The following AKNA variants were observed in gnomAD, a reference collection of about 807,000 sequenced individuals.
The protein encoded by AKNA is AT-hook transcription factor.
In AKNA, 67 loss-of-function variants were observed where a neutral mutation model predicts 138.8. The ratio of observed to expected loss-of-function variants is 0.48; its 90% CI spans 0.40 to 0.59. The LOEUF (loss-of-function observed/expected upper bound fraction) is 0.59, where lower values mean the gene tolerates loss of function less well. Among genes scored for constraint, AKNA ranks in the 20% least tolerant of loss-of-function variants. The pLI is 0.00. For synonymous variants in AKNA, 737 were observed against 754.4 expected, an observed-to-expected ratio of 0.98 and a Z score of 0.38; for missense variants, 1,813 against 1,880.4, an observed-to-expected ratio of 0.96 and a Z score of 0.66.
At chr9:114,356,471 T>C (rs955395890) in intron 13 of AKNA, among the ~76,000 whole-genome samples, 1 of 152,186 alleles carries the variant, frequency 6.6e-6, no homozygotes, top group Non-Finnish European at 1.5e-5. Context: ...GGAGGCTCCA[T>C]CCCTCCACTC....
downstream of AKNA, among the ~76,000 whole-genome samples, chr9:114,332,615 T>C (rs1010213017): frequency 7.2e-5 from 11 of 152,016 alleles, no homozygotes; most frequent in African/African-American, 2.7e-4. Flanking sequence ...TCCTGCCCCA[T>C]CCCCAGCCCC....
At chr9:114,341,290 C>G (rs568917579) in intron 21 of AKNA, among the ~76,000 whole-genome samples, 4 of 152,284 alleles carry the variant, frequency 2.6e-5, no homozygotes, top group Non-Finnish European at 4.4e-5. Flanking sequence ...CTTGCTAGTC[C>G]CCTTCACTGC....
At chr9:114,331,009 A>T (rs1325254169), downstream of AKNA, 1 of 643,704 alleles carries the variant, frequency 1.6e-6, no homozygotes, top group Non-Finnish European at 2.7e-6. Flanking sequence ...GCTCAGAAAA[A>T]ATCCCTAAGA....
At chr9:114,386,790 C>A (rs536064714) in intron 1 of AKNA, among the ~76,000 whole-genome samples, 2 of 152,246 alleles carry the variant, frequency 1.3e-5, no homozygotes, top group East Asian at 3.9e-4. Context: ...TCCGCCCGCT[C>A]AGTCATTCCA....
rs919891707 is a variant in AKNA at position 114,347,638 on chromosome 9, A to G, written c.3398+86T>C. ...GAGGGATGTGGCAGTGCCTGAGTCC[A>G]TATGTCTGGGGAGAGCCAGAGGCCA... On this transcript the variant is annotated intron_variant, in intron 16 of 21. Transcript: ENST00000374088. 6 of 1,360,860 alleles carry G rather than the reference A, an allele frequency of 4.4e-6. No individual in the cohort carries two copies. The East Asian group carries it at 1.1e-4, about 24-fold the overall frequency. 84.3% of individuals were successfully genotyped at this position (1,360,860 alleles called of 1,614,324 possible).
upstream of AKNA, among the ~76,000 whole-genome samples, chr9:114,391,606 T>C (rs1834341076): frequency 6.6e-6 from 1 of 152,110 alleles, no homozygotes; most frequent in East Asian, 1.9e-4. Context: ...CCCAGCACTT[T>C]GGGAGGCTGA....
intron 14 of AKNA, among the ~76,000 whole-genome samples, chr9:114,355,577 C>T (rs879433292): frequency 6.6e-6 from 1 of 152,196 alleles, no homozygotes; most frequent in Non-Finnish European, 1.5e-5. Context: ...ACTGCAACAT[C>T]GCAACCAAAG....
chr9:114,330,828 T>C (rs1237431036), downstream of AKNA: 2 of 1,613,980 alleles, frequency 1.2e-6, no homozygotes, highest in African/African-American at 1.3e-5. Context: ...GTTACCTGAA[T>C]GTCCAGCGGG....
At chr9:114,383,272 C>G (rs1833817089) in intron 1 of AKNA, 1 of 451,564 alleles carries the variant, frequency 2.2e-6, no homozygotes, top group Non-Finnish European at 4.4e-6. Context: ...CCTCAACCCT[C>G]TCCTTCTTTC....
In AKNA at chr9:114,341,559, G is replaced by C; in HGVS notation, c.4041C>G (p.Pro1347=). The change falls in exon 21 of 22, where the codon CCC becomes CCG. Residue 1347 remains proline (P), a synonymous_variant. Transcript: ENST00000374088. ...PPAFAYISSV[P]IMPYPPAAVY... is the part of the protein sequence containing the mutation. ...CAGCGGCAGGTGGATAAGGCATGATGGGAACCGAGGAGATGTAGGCAAAGG... is the reference window on the plus strand; with the variant it reads ...CAGCGGCAGGTGGATAAGGCATGATCGGAACCGAGGAGATGTAGGCAAAGG... The C allele has an allele frequency of 6.2e-7, 1 of 1,614,128 alleles. No homozygotes were observed.
Position 114,336,945 on chromosome 9 carries a change from G to C in AKNA, c.*109C>G. 1 of 1,349,384 alleles carries C rather than the reference G, an allele frequency of 7.4e-7. No individual in the cohort carries two copies. Among genetic ancestry groups the C allele is most frequent in the Non-Finnish European group, 9.7e-7 (1 of 1,026,190 alleles). The allele number at this position is 1,349,384 out of a possible 1,614,324, so 83.6% of individuals were successfully genotyped here. A position where few individuals can be genotyped will look rare whatever the true frequency, so the allele number is the denominator to read the frequency against. On this transcript the variant is annotated 3_prime_UTR_variant, in exon 22 of 22. Transcript: ENST00000374088. ...ACCTGTGCTGGAGGGAGACCCTCCT[G>C]GTGAGGAACTATGCGGGCCTTCTGG...
chr9:114,374,393 C>T (rs565797835), intron 3 of AKNA, among the ~76,000 whole-genome samples: 51 of 152,324 alleles, frequency 3.3e-4, no homozygotes, highest in African/African-American at 1.1e-3. Flanking sequence ...ACTCTTCTAC[C>T]CCCATGACAA....
At chr9:114,356,682 C>T (rs1195994403) in intron 13 of AKNA, among the ~76,000 whole-genome samples, 181 bp downstream of exon 13, 4 of 152,242 alleles carry the variant, frequency 2.6e-5, no homozygotes, top group Non-Finnish European at 5.9e-5. Flanking sequence ...TTACTCCCCT[C>T]TCTGAAGCTC....
Position 114,357,024 on chromosome 9 carries a change from A to G in AKNA, c.2740-55T>C, listed in dbSNP as rs921753472. 6.7e-6 allele frequency: 10 copies of G among 1,501,352 alleles called. No homozygotes were observed. In the Admixed American group the frequency reaches 1.2e-4, roughly 18 times the overall value. 93.0% of individuals were successfully genotyped at this position (1,501,352 alleles called of 1,614,324 possible). On this transcript the variant is annotated intron_variant, in intron 12 of 21. Transcript: ENST00000374088. ...AGGAATGTGTCCAAGGCACACTGGG[A>G]AGCCCTTCCCAAATCGTGGCCTGGC...
chr9:114,386,633 C>T (rs1834052266), intron 1 of AKNA, among the ~76,000 whole-genome samples: 2 of 152,168 alleles, frequency 1.3e-5, no homozygotes, highest in Admixed American at 6.5e-5. Flanking sequence ...AAGTAGCAGC[C>T]ACTGCACCCT....
chr9:114,383,184 A>AGGCT (rs1833810996), intron 1 of AKNA: 1 of 455,920 alleles, frequency 2.2e-6, no homozygotes, highest in Non-Finnish European at 4.4e-6. Context: ...TGAACCAGGG[A>AGGCT]GGCTGGCCAC....
chr9:114,386,761 A>C (rs1260249934), intron 1 of AKNA, among the ~76,000 whole-genome samples: 1 of 151,950 alleles, frequency 6.6e-6, no homozygotes, highest in Non-Finnish European at 1.5e-5. Context: ...CTTCTTCCCC[A>C]CCACCCACAC....
chr9:114,362,613 G>A, intron 7 of AKNA, 80 bp from the exon 8 acceptor site: 2 of 1,485,746 alleles, frequency 1.3e-6, no homozygotes, highest in Non-Finnish European at 1.8e-6. Flanking sequence ...GGATGAGACA[G>A]CTTGCGGGAG....
chr9:114,349,574 G>A (rs887270651), intron 15 of AKNA, among the ~76,000 whole-genome samples: 9 of 152,168 alleles, frequency 5.9e-5, no homozygotes, highest in Middle Eastern at 3.4e-3. Flanking sequence ...TCACCCTGCC[G>A]GTGGCCAGAG....
Sources: gnomAD v4.1 joint callset for allele counts (sites outside exome capture counted in the v4.1 genomes callset) on GRCh38, gnomAD v4.1.1 for gene constraint, MANE v1.5 for transcripts, NCBI Gene and HGNC (gene_info 2026-07-23, HGNC 2026-07-21) for gene names.